Variants in PRKG1 observed in about 807,000 individuals in gnomAD.
The protein encoded by PRKG1 is protein kinase cGMP-dependent 1, also known as cGMP-dependent protein kinase 1.
PRKG1 carries 35 observed loss-of-function variants against 88.1 expected under a neutral mutation model. The ratio of observed to expected loss-of-function variants is 0.40; its 90% CI spans 0.30 to 0.53. The LOEUF (loss-of-function observed/expected upper bound fraction) is 0.53. PRKG1 is among the 20% of genes least tolerant of loss of function. The probability of loss-of-function intolerance (pLI) is 0.59; values close to 1 mark genes in which losing one functional copy is unlikely to be tolerated. For synonymous variants in PRKG1, 303 were observed against 292.5 expected, an observed-to-expected ratio of 1.04 and a Z score of -0.37; for missense variants, 540 against 839.8, an observed-to-expected ratio of 0.64 and a Z score of 4.41.
intron 5 of PRKG1, among the ~76,000 whole-genome samples, chr10:51,995,773 A>T (rs928899359): frequency 2.6e-5 from 4 of 152,202 alleles, no homozygotes; most frequent in Non-Finnish European, 4.4e-5. Context: ...ATGGAGGTAA[A>T]CATGTATACC....
At chr10:51,796,100 G>A (rs972574122) in intron 3 of PRKG1, among the ~76,000 whole-genome samples, 4 of 152,072 alleles carry the variant, frequency 2.6e-5, no homozygotes, top group African/African-American at 4.8e-5. Context: ...TTATTTAGTT[G>A]AAATGTTTGA....
chr10:51,785,090 G>A (rs116002458), intron 3 of PRKG1, among the ~76,000 whole-genome samples: 145 of 150,064 alleles, frequency 9.7e-4, no homozygotes, highest in African/African-American at 3.3e-3. Flanking sequence ...AACATAACAA[G>A]TCCTCGTTAG....
chr10:52,040,832 CTTT>C (rs11312625), intron 5 of PRKG1, among the ~76,000 whole-genome samples: 1 of 85,236 alleles, frequency 1.2e-5, no homozygotes, highest in African/African-American at 4.8e-5. Context: ...AATGGCTTTT[CTTT>C]TTTTTTTTTT....
At chr10:51,672,801 A>G (rs1840616307) in intron 3 of PRKG1, among the ~76,000 whole-genome samples, 2 of 152,230 alleles carry the variant, frequency 1.3e-5, no homozygotes, top group African/African-American at 4.8e-5. Flanking sequence ...CTAAGTTGTC[A>G]ATTTTTAAGA....
At chr10:51,670,437 T>C (rs1840528695) in intron 3 of PRKG1, among the ~76,000 whole-genome samples, 2 of 151,614 alleles carry the variant, frequency 1.3e-5, no homozygotes, top group South Asian at 4.2e-4. Context: ...TCAGTTAACA[T>C]TTAAAAATGC....
chr10:51,792,546 C>G (rs1433825180), intron 3 of PRKG1, among the ~76,000 whole-genome samples: 1 of 152,092 alleles, frequency 6.6e-6, no homozygotes, highest in African/African-American at 2.4e-5. Context: ...TTGTTATTAA[C>G]AAGGAGTGCA....
intron 3 of PRKG1, among the ~76,000 whole-genome samples, chr10:51,542,325 A>G (rs745694351): frequency 1.3e-5 from 2 of 152,164 alleles, no homozygotes; most frequent in Non-Finnish European, 2.9e-5. Context: ...TAAGTCCTGC[A>G]TTAAGTACTT....
intron 10 of PRKG1, among the ~76,000 whole-genome samples, chr10:52,261,483 T>G (rs1333068035): frequency 6.6e-6 from 1 of 151,998 alleles, no homozygotes; most frequent in Non-Finnish European, 1.5e-5. Flanking sequence ...TGTGAGTGTG[T>G]GTGTGTGTAG....
chr10:52,118,017 A>G (rs1847729312), intron 7 of PRKG1, among the ~76,000 whole-genome samples: 1 of 152,266 alleles, frequency 6.6e-6, no homozygotes, highest in Non-Finnish European at 1.5e-5. Flanking sequence ...CTTCCTATAC[A>G]CAACACTATA....
At chr10:52,066,098 T>C (rs888918255) in intron 7 of PRKG1, among the ~76,000 whole-genome samples, 3 of 152,216 alleles carry the variant, frequency 2.0e-5, no homozygotes, top group African/African-American at 7.2e-5. Context: ...CTACTCTAAG[T>C]GCCCTCTTAA....
intron 5 of PRKG1, among the ~76,000 whole-genome samples, chr10:51,956,954 C>T (rs948693507): frequency 6.8e-6 from 1 of 148,058 alleles, no homozygotes; most frequent in African/African-American, 2.5e-5. Context: ...TCTTTCTTTC[C>T]TTCCTTCCTT....
chr10:52,250,328 C>T (rs1034947184), intron 9 of PRKG1, among the ~76,000 whole-genome samples: 1 of 152,164 alleles, frequency 6.6e-6, no homozygotes, highest in African/African-American at 2.4e-5. Context: ...AGCCTGTCAA[C>T]AATTGACTTG....
intron 9 of PRKG1, among the ~76,000 whole-genome samples, chr10:52,170,883 G>A (rs77222146): frequency 7.3e-5 from 10 of 136,694 alleles, no homozygotes; most frequent in Admixed American, 2.3e-4. Flanking sequence ...GCTCTTCGGC[G>A]GCTTTCAGAC....
At chr10:51,755,362 G>C (rs1837832611) in intron 3 of PRKG1, among the ~76,000 whole-genome samples, 1 of 152,172 alleles carries the variant, frequency 6.6e-6, no homozygotes, top group African/African-American at 2.4e-5. Context: ...AATGCAGAGA[G>C]GGGGAAATCA....
chr10:51,099,712 C>T (rs899934509), intron 1 of PRKG1, among the ~76,000 whole-genome samples: 2 of 152,170 alleles, frequency 1.3e-5, no homozygotes, highest in South Asian at 2.1e-4. Context: ...CTAGATATTG[C>T]TAATAAAGAG....
chr10:51,447,720 G>A lies in PRKG1; in HGVS notation c.479-20003G>A, dbSNP rs114938563. Reference sequence around the variant, plus strand: ...CATAACTAGACATAATAATGCACAGGGCTTGAATTTTTGCCTAATTCTCTT... The same window carrying A: ...CATAACTAGACATAATAATGCACAGAGCTTGAATTTTTGCCTAATTCTCTT... On this transcript the variant is annotated intron_variant, in intron 2 of 17. Transcript: ENST00000373980. Among the ~76,000 whole-genome samples, 217 of 151,928 alleles carry A rather than the reference G, an allele frequency of 1.4e-3. 2 individuals are homozygous for A. Among genetic ancestry groups the A allele is most frequent in the African/African-American group, 5.0e-3 (208 of 41,470 alleles).
At chr10:51,299,685 G>A (rs1453833470) in intron 2 of PRKG1, 3 of 447,478 alleles carry the variant, frequency 6.7e-6, no homozygotes, top group Non-Finnish European at 1.4e-5. Context: ...TATGTTACAG[G>A]CTGACAGCCA....
chr10:51,212,781 C>A (rs1838259128), intron 2 of PRKG1, among the ~76,000 whole-genome samples: 1 of 152,152 alleles, frequency 6.6e-6, no homozygotes, highest in South Asian at 2.1e-4. Context: ...CATCTCACAC[C>A]AGTTAGAATG....
chr10:51,566,048 A>T (rs1837594304), intron 3 of PRKG1, among the ~76,000 whole-genome samples: 1 of 152,096 alleles, frequency 6.6e-6, no homozygotes, highest in African/African-American at 2.4e-5. Context: ...TATGATAGAG[A>T]TTAAAGAGTA....
Sources: allele counts gnomAD v4.1 joint callset (sites outside exome capture counted in the v4.1 genomes callset), GRCh38; gene constraint gnomAD v4.1.1; transcripts MANE v1.5; gene names NCBI Gene and HGNC (gene_info 2026-07-23, HGNC 2026-07-21).